CLSTN1: variants seen among roughly 807,000 people sequenced by gnomAD.
The protein encoded by CLSTN1 is calsyntenin 1.
Under a neutral mutation model 108.3 loss-of-function variants are expected in CLSTN1, and 28 were observed. That is an observed-to-expected ratio of 0.26 (90% CI 0.19 to 0.35). The LOEUF is 0.35. Among genes scored for constraint, CLSTN1 ranks in the 10% least tolerant of loss-of-function variants. The pLI, the probability that CLSTN1 is intolerant of heterozygous loss-of-function variation, is 1.00. For missense variants in CLSTN1, 1,157 were observed against 1,302.6 expected (o/e 0.89, Z 1.72); for synonymous variants, 524 against 534.9 (o/e 0.98, Z 0.28).
chr1:9,735,762 A>T (rs746535414), intron 12 of CLSTN1, 123 bp downstream of exon 12: 283 of 1,500,270 alleles, frequency 1.9e-4, no homozygotes, highest in Non-Finnish European at 2.4e-4. Flanking sequence ...TCCAGTGAAC[A>T]CAACTCTTTT....
chr1:9,770,389 G>C (rs950517693), intron 2 of CLSTN1, among the ~76,000 whole-genome samples: 14 of 152,112 alleles, frequency 9.2e-5, no homozygotes, highest in Admixed American at 1.3e-4. Context: ...TCATTGATAA[G>C]ACTTTTTCTT....
At chr1:9,792,751 G>A (rs1653824472) in intron 1 of CLSTN1, among the ~76,000 whole-genome samples, 1 of 151,376 alleles carries the variant, frequency 6.6e-6, no homozygotes, top group Non-Finnish European at 1.5e-5. Flanking sequence ...AATCCCCAAG[G>A]AGCTTTGGGG....
chr1:9,789,425 G>C (rs780137019), intron 1 of CLSTN1, among the ~76,000 whole-genome samples: 1 of 151,188 alleles, frequency 6.6e-6, no homozygotes, highest in African/African-American at 2.4e-5. Flanking sequence ...TTACCTTCTC[G>C]TATTGTGTAA....
At chr1:9,751,991 A>G (rs898956144) in intron 4 of CLSTN1, among the ~76,000 whole-genome samples, 1 of 152,148 alleles carries the variant, frequency 6.6e-6, no homozygotes, top group African/African-American at 2.4e-5. Context: ...ACAATATGGG[A>G]CAAGACAGGC....
At chr1:9,786,424 CT>C (rs1653490908) in intron 1 of CLSTN1, among the ~76,000 whole-genome samples, 1 of 151,916 alleles carries the variant, frequency 6.6e-6, no homozygotes, top group Admixed American at 6.6e-5. Context: ...GGCTGATCAC[CT>C]GAAGTCAGGA....
At chr1:9,784,642 C>G (rs1653399112) in intron 1 of CLSTN1, among the ~76,000 whole-genome samples, 2 of 152,138 alleles carry the variant, frequency 1.3e-5, no homozygotes, top group South Asian at 4.1e-4. Context: ...CCTATAAATC[C>G]TAGATGATGT....
intron 1 of CLSTN1, among the ~76,000 whole-genome samples, chr1:9,787,497 G>A (rs1315607857): frequency 6.2e-5 from 9 of 145,020 alleles, no homozygotes; most frequent in South Asian, 2.4e-4. Flanking sequence ...TCCGCCTCCC[G>A]GGTTCACGCC....
chr1:9,774,731 G>T (rs936911778), intron 1 of CLSTN1, among the ~76,000 whole-genome samples: 2 of 151,552 alleles, frequency 1.3e-5, no homozygotes, highest in African/African-American at 2.4e-5. Flanking sequence ...GTAAGAATTC[G>T]GGGCAAGTCC....
chr1:9,775,420 T>C (rs1652887814), intron 1 of CLSTN1, among the ~76,000 whole-genome samples: 1 of 152,028 alleles, frequency 6.6e-6, no homozygotes, highest in South Asian at 2.1e-4. Context: ...CTGCTACTTT[T>C]GCTTTTCTGG....
At chr1:9,784,011 A>T (rs981089444) in intron 1 of CLSTN1, among the ~76,000 whole-genome samples, 2 of 151,406 alleles carry the variant, frequency 1.3e-5, no homozygotes, top group African/African-American at 4.9e-5. Flanking sequence ...AATAATAATA[A>T]TAATACAAAA....
chr1:9,750,369 T>C (rs1231525439), intron 5 of CLSTN1, among the ~76,000 whole-genome samples: 2 of 152,166 alleles, frequency 1.3e-5, no homozygotes, highest in African/African-American at 2.4e-5. Flanking sequence ...TGGAAAGTGT[T>C]TGCAATGTCC....
chr1:9,761,149 C>T (rs913934017), intron 2 of CLSTN1, among the ~76,000 whole-genome samples: 1 of 152,116 alleles, frequency 6.6e-6, no homozygotes, highest in East Asian at 1.9e-4. Flanking sequence ...TTTCCCCAAA[C>T]CTTCATTCCC....
intron 1 of CLSTN1, among the ~76,000 whole-genome samples, chr1:9,794,734 C>A (rs12094930): frequency 0.037 from 5,660 of 151,508 alleles, 351 homozygotes; most frequent in African/African-American, 0.13. Flanking sequence ...CTGGCCTTTT[C>A]TTTCTTCTTT....
Position 9,730,704 on chromosome 1 carries a change from G to A in CLSTN1, c.2750C>T (p.Thr917Ile). Residue 917 changes from threonine (T) to isoleucine (I), a missense_variant and splice_region_variant, in exon 19 of 19, where the codon ACC becomes ATC. Transcript: ENST00000377298. The surrounding 1 kb of genome is among the most constrained non-coding windows in gnomAD (Gnocchi z 5.6). Reference sequence around the variant, plus strand: ...CTCACTGCTGTGCTGGTCCTCATAGGTCTGGCAAGGAGAAGTGACGGCCAC... The same window carrying A: ...CTCACTGCTGTGCTGGTCCTCATAGATCTGGCAAGGAGAAGTGACGGCCAC... ...ALTITVNPME[T>I]YEDQHSSEEE... 1 of 1,599,320 alleles carries A rather than the reference G, an allele frequency of 6.3e-7. No homozygotes were observed. Among genetic ancestry groups the A allele is most frequent in the Non-Finnish European group, 8.5e-7 (1 of 1,175,586 alleles).
At chr1:9,774,996 T>G (rs1277191391) in intron 1 of CLSTN1, among the ~76,000 whole-genome samples, 1 of 152,180 alleles carries the variant, frequency 6.6e-6, no homozygotes, top group African/African-American at 2.4e-5. Flanking sequence ...TAAACTGTCA[T>G]GGTGCTGGTG....
intron 2 of CLSTN1, among the ~76,000 whole-genome samples, chr1:9,768,586 C>T (rs149683720): frequency 0.16 from 2,822 of 17,440 alleles, 4 homozygotes; most frequent in African/African-American, 0.35. Context: ...GGGTTCTGTG[C>T]TGGGTGGCAC....
At chr1:9,814,738 C>G (rs532232969) in intron 1 of CLSTN1, among the ~76,000 whole-genome samples, 1 of 151,666 alleles carries the variant, frequency 6.6e-6, no homozygotes, top group Non-Finnish European at 1.5e-5. Flanking sequence ...AGGAAGATCC[C>G]GTCTCTACAA....
Position 9,743,924 on chromosome 1 carries a change from T to G in CLSTN1, c.1316A>C (p.Lys439Thr), listed in dbSNP as rs1329615258. 1.2e-6 allele frequency: 2 copies of G among 1,614,038 alleles called. No homozygotes were observed. The highest frequency in any genetic ancestry group is 3.3e-5 in the Admixed American group (2 of 60,004). ...FLFRQDPSEE[K>T]KYRPAEFHWK... is the part of the protein sequence containing the mutation. ...GTGGAACTCTGCAGGTCTGTATTTC[T>G]TCTCCTCAGAAGGATCCTGACGGAA... The change falls in exon 9 of 19, where the codon AAG (lysine) becomes ACG (threonine). Residue 439 changes from lysine (K) to threonine (T), a missense_variant. Physicochemically the swap from Lys to Thr is moderately conservative, Grantham distance 78. Coordinates refer to ENST00000377298, the MANE Select transcript of CLSTN1 (RefSeq NM_001009566.3).
At chr1:9,821,413 G>A (rs1017337513) in intron 1 of CLSTN1, among the ~76,000 whole-genome samples, 8 of 152,226 alleles carry the variant, frequency 5.3e-5, no homozygotes, top group Non-Finnish European at 1.2e-4. Context: ...GATTACAGGC[G>A]CAAGCCACTG....
Sources: gnomAD v4.1 joint callset for allele counts (sites outside exome capture counted in the v4.1 genomes callset) on GRCh38, gnomAD v4.1.1 for gene constraint, Gnocchi (gnomAD v3.1) non-coding constraint, MANE v1.5 for transcripts, NCBI Gene and HGNC (gene_info 2026-07-23, HGNC 2026-07-21) for gene names.